The following MAD1L1 variants were observed in gnomAD, a reference collection of about 807,000 sequenced individuals.
MAD1L1 encodes mitotic spindle assembly checkpoint protein MAD1.
MAD1L1 carries 95 observed loss-of-function variants against 96.9 expected under a neutral mutation model. The ratio of observed to expected loss-of-function variants is 0.98; its 90% CI spans 0.83 to 1.16. The LOEUF is 1.16. Ranked by LOEUF, MAD1L1 falls within the 50% of genes most tolerant of loss-of-function variation. The probability of loss-of-function intolerance (pLI) is 0.00; values close to 1 mark genes in which losing one functional copy is unlikely to be tolerated. For synonymous variants in MAD1L1, 473 were observed against 396.6 expected (o/e 1.19, Z -2.29); for missense variants, 1,007 against 954.4 (o/e 1.06, Z -0.73).
chr7:2,029,497 C>A (rs1226525614), intron 12 of MAD1L1, among the ~76,000 whole-genome samples: 1 of 152,132 alleles, frequency 6.6e-6, no homozygotes, highest in African/African-American at 2.4e-5. Flanking sequence ...TTCATCATAG[C>A]CCTCTAAGAT....
intron 10 of MAD1L1, among the ~76,000 whole-genome samples, chr7:2,192,439 C>T (rs1189404056): frequency 2.0e-5 from 3 of 152,130 alleles, no homozygotes; most frequent in Admixed American, 6.6e-5. Flanking sequence ...GCCAAATCTG[C>T]GTTTTAAGCT....
chr7:2,124,352 G>C (rs907730297), intron 11 of MAD1L1, among the ~76,000 whole-genome samples: 1 of 152,234 alleles, frequency 6.6e-6, no homozygotes, highest in African/African-American at 2.4e-5. Context: ...AACTACCACG[G>C]GGCGTGGAAC....
chr7:2,210,873 G>A (rs1047960964), intron 10 of MAD1L1, among the ~76,000 whole-genome samples: 39 of 144,970 alleles, frequency 2.7e-4, no homozygotes, highest in Admixed American at 9.9e-4. Flanking sequence ...GAGGACGCTC[G>A]CACCAGCCCC....
intron 18 of MAD1L1, among the ~76,000 whole-genome samples, chr7:1,823,813 G>C (rs1243896948): frequency 6.6e-6 from 1 of 152,158 alleles, no homozygotes; most frequent in African/African-American, 2.4e-5. Flanking sequence ...TGGGCCGGGG[G>C]AGGCATGAAT....
At chr7:2,221,306 A>G (rs1297596781) in intron 5 of MAD1L1, among the ~76,000 whole-genome samples, 1 of 152,148 alleles carries the variant, frequency 6.6e-6, no homozygotes, top group Non-Finnish European at 1.5e-5. Flanking sequence ...AGCCCAGCAC[A>G]TGGGAACTGG....
intron 11 of MAD1L1, among the ~76,000 whole-genome samples, chr7:2,112,556 G>A (rs1007241534): frequency 3.3e-5 from 5 of 152,244 alleles, no homozygotes; most frequent in African/African-American, 7.2e-5. Flanking sequence ...GACCCTGTGC[G>A]CACGTGAGGA....
intron 13 of MAD1L1, among the ~76,000 whole-genome samples, chr7:2,008,476 G>A (rs1384418059): frequency 1.3e-5 from 2 of 152,236 alleles, no homozygotes. Flanking sequence ...CCTCACCTCT[G>A]AGACAAGAGC....
In MAD1L1 at chr7:1,815,925, G is replaced by A. The variant is rs527454886; in HGVS notation, c.*145C>T. ...TGGCCGCCCCAGCAGGAAGCCCGAC[G>A]TAGGTCCCAGCGTGTCTGTCAGTCA... On this transcript the variant is annotated 3_prime_UTR_variant, in exon 19 of 19. Transcript: ENST00000265854. 4 of 979,810 alleles carry A rather than the reference G, an allele frequency of 4.1e-6. No homozygotes were observed. The highest frequency in any genetic ancestry group is 1.7e-5 in the South Asian group (1 of 57,374). 60.7% of individuals were successfully genotyped at this position (979,810 alleles called of 1,614,324 possible).
intron 1 of MAD1L1, among the ~76,000 whole-genome samples, chr7:2,231,247 G>C (rs1794176337): frequency 6.6e-6 from 1 of 152,146 alleles, no homozygotes; most frequent in Non-Finnish European, 1.5e-5. Flanking sequence ...GCAGTGACCT[G>C]AGACCGCACC....
At chr7:2,031,336 C>T (rs888667123) in intron 12 of MAD1L1, among the ~76,000 whole-genome samples, 2 of 152,346 alleles carry the variant, frequency 1.3e-5, no homozygotes, top group East Asian at 1.9e-4. Context: ...CCACCACCCA[C>T]GTGTAGCTGT....
At chr7:1,899,032 G>A (rs1225517125) in intron 17 of MAD1L1, among the ~76,000 whole-genome samples, 3 of 152,162 alleles carry the variant, frequency 2.0e-5, no homozygotes, top group Non-Finnish European at 4.4e-5. Flanking sequence ...GGCTTTACCT[G>A]CCAGCCACCT....
intron 11 of MAD1L1, chr7:2,148,294 C>G (rs914706753): frequency 2.6e-5 from 4 of 152,702 alleles, no homozygotes; most frequent in African/African-American, 9.6e-5. Flanking sequence ...CCGCACAGAC[C>G]CACGGCCTGG....
In MAD1L1 at chr7:1,816,174, T is replaced by G; in HGVS notation, c.2053A>C (p.Thr685Pro). ...TGCACCTCGATGAGCTCGCCCACGG[T>G]GTGTGAGAACTCTGTCTCCAGTAGC... ...MQLLETEFSH[T>P]VGELIEVHLR... is the part of the protein sequence containing the mutation. The change falls in exon 19 of 19, where the codon ACC (threonine) becomes CCC (proline). Residue 685 changes from threonine (T) to proline (P), a missense_variant. Physicochemically the swap from Thr to Pro is conservative, Grantham distance 38. Coordinates refer to ENST00000265854, the MANE Select transcript of MAD1L1 (RefSeq NM_001013836.2). 2.5e-6 allele frequency: 4 copies of G among 1,613,372 alleles called. No homozygotes were observed. Among genetic ancestry groups the G allele is most frequent in the Non-Finnish European group, 3.4e-6 (4 of 1,179,848 alleles).
At chr7:2,144,330 C>G (rs1789187895) in intron 11 of MAD1L1, among the ~76,000 whole-genome samples, 1 of 152,242 alleles carries the variant, frequency 6.6e-6, no homozygotes, top group South Asian at 2.1e-4. Flanking sequence ...CATCGTCATT[C>G]ATCGCCGGGA....
rs768923213 is a variant in MAD1L1, at chr7:1,936,882, T to G, written c.1612A>C (p.Ser538Arg). 8 of 1,599,770 alleles carry G rather than the reference T, an allele frequency of 5.0e-6. No homozygotes were observed. Among genetic ancestry groups the G allele is most frequent in the Non-Finnish European group, 6.0e-6 (7 of 1,172,444 alleles). ...RRALQGDYDQ[S>R]RTKVLHMSLN... ...CTCATGTGCAGCACTTTGGTCCTGC[T>G]CTGGTCATAGTCACCCTGCAGGAAC... Residue 538 changes from serine to arginine, a missense_variant, in exon 17 of 19, where the codon AGC becomes CGC. Physicochemically the swap from Ser to Arg is moderately radical, Grantham distance 110 (BLOSUM62 -1). Coordinates refer to ENST00000265854, the MANE Select transcript of MAD1L1 (RefSeq NM_001013836.2).
rs778661691 is a variant in MAD1L1 at position 2,230,106 on chromosome 7, C to G, written c.28G>C (p.Val10Leu). The G allele has an allele frequency of 1.2e-6, 2 of 1,604,740 alleles. No individual in the cohort carries two copies. Among genetic ancestry groups the G allele is most frequent in the South Asian group, 1.1e-5 (1 of 89,334 alleles). Residue 10 changes from valine to leucine, a missense_variant, in exon 3 of 19, where the codon GTT becomes CTT. Physicochemically the swap from Val to Leu is conservative, Grantham distance 32. Transcript: ENST00000265854. ...TTCAAAGATCTCAGGGTGGATAAAA[C>G]CATGGTGTTTTCCCCCAGGTCTTCC... MEDLGENTM[V>L]LSTLRSLNNF... is the part of the protein sequence containing the mutation.
At chr7:2,003,600 C>T (rs1781900893) in intron 13 of MAD1L1, among the ~76,000 whole-genome samples, 1 of 152,128 alleles carries the variant, frequency 6.6e-6, no homozygotes, top group Non-Finnish European at 1.5e-5. Flanking sequence ...GCACCTGAGC[C>T]TCCCAAGCCT....
chr7:1,947,667 G>A (rs934233540), intron 16 of MAD1L1, among the ~76,000 whole-genome samples: 2 of 152,162 alleles, frequency 1.3e-5, no homozygotes, highest in African/African-American at 2.4e-5. Context: ...GGCCTTGCCC[G>A]CTTGGCCTTC....
At chr7:1,880,657 A>G (rs1002972838) in intron 18 of MAD1L1, among the ~76,000 whole-genome samples, 1 of 152,224 alleles carries the variant, frequency 6.6e-6, no homozygotes, top group Non-Finnish European at 1.5e-5. Context: ...GGATGCTCAC[A>G]TACAATCTTC....
Sources: gnomAD v4.1 joint callset for allele counts (sites outside exome capture counted in the v4.1 genomes callset) on GRCh38, gnomAD v4.1.1 for gene constraint, MANE v1.5 for transcripts, NCBI Gene and HGNC (gene_info 2026-07-23, HGNC 2026-07-21) for gene names.